SLC5A6: variants seen among roughly 807,000 people sequenced by gnomAD.
The protein encoded by SLC5A6 is sodium-dependent multivitamin transporter.
A neutral mutation model predicts 67.9 loss-of-function variants in SLC5A6; 31 were observed. The observed-to-expected ratio is 0.46, with a 90% CI of 0.34 to 0.62. The LOEUF is 0.62. Among genes scored for constraint, SLC5A6 ranks in the 20% least tolerant of loss-of-function variants. The probability of loss-of-function intolerance (pLI) is 0.01; values close to 1 mark genes in which losing one functional copy is unlikely to be tolerated. For missense variants in SLC5A6, 673 were observed against 812.8 expected, an observed-to-expected ratio of 0.83 and a Z score of 2.09; for synonymous variants, 343 against 331.0, an observed-to-expected ratio of 1.04 and a Z score of -0.39.
chr2:27,202,778 C>T, intron 12 of SLC5A6, 35 bp downstream of exon 12: 9 of 1,573,082 alleles, frequency 5.7e-6, no homozygotes, highest in Non-Finnish European at 7.9e-6. Context: ...TCCTTCTCTC[C>T]CTTAAAATTG....
intron 2 of SLC5A6, among the ~76,000 whole-genome samples, chr2:27,209,999 T>C (rs776221077): frequency 6.6e-6 from 1 of 152,094 alleles, no homozygotes; most frequent in Non-Finnish European, 1.5e-5. Flanking sequence ...ATAGAGATGA[T>C]GGGAACTACT....
At position 27,203,787 on chromosome 2, in the gene SLC5A6, G is replaced by A; in HGVS notation, c.1086C>T (p.Gly362=). ...ATCGTTAAAGTGGGTACCTGAGAGA[G>A]CCGCTGAAGAGGCAGGCAATGAAGA... ...PGLFIACLFS[G]SLSTISSAFN... is the part of the protein sequence containing the mutation. Residue 362 remains glycine (G), a synonymous_variant, in exon 10 of 17, where the codon GGC becomes GGT. Coordinates refer to ENST00000310574, the MANE Select transcript of SLC5A6 (RefSeq NM_021095.4). The A allele has an allele frequency of 6.2e-7, 1 of 1,613,430 alleles. No homozygotes were observed. The highest frequency in any genetic ancestry group is 8.5e-7 in the Non-Finnish European group (1 of 1,179,354).
Position 27,212,068 on chromosome 2 carries a change from G to C in SLC5A6, c.-256C>G, listed in dbSNP as rs1393022800. ...GTTTCTGCGAAGCCGCGACCTCGGC[G>C]TCCGGACGCGGGGAACACCGGGCTG... On this transcript the variant is annotated 5_prime_UTR_variant, in exon 1 of 17. Coordinates refer to ENST00000310574, the MANE Select transcript of SLC5A6 (RefSeq NM_021095.4). 1 of 1,220,578 alleles carries C rather than the reference G, an allele frequency of 8.2e-7. No individual in the cohort carries two copies. Among genetic ancestry groups the C allele is most frequent in the Non-Finnish European group, 1.1e-6 (1 of 902,662 alleles). The allele number at this position is 1,220,578 out of a possible 1,614,324, so 75.6% of individuals were successfully genotyped here.
In SLC5A6 at chr2:27,202,092, G is replaced by A; in HGVS notation, c.1276-18C>T. The A allele has an allele frequency of 2.5e-6, 4 of 1,589,052 alleles. No individual in the cohort carries two copies. The highest frequency in any genetic ancestry group is 2.2e-5 in the South Asian group (2 of 90,542). On this transcript the variant is annotated intron_variant, in intron 12 of 16. Coordinates refer to ENST00000310574, the MANE Select transcript of SLC5A6 (RefSeq NM_021095.4). ...ATTGCTGCCTAGGAGGACAGGGTGA[G>A]AAGAAAAGGAAAAAGAACACAGACT...
chr2:27,201,738 G>A lies in SLC5A6; in HGVS notation c.1472C>T (p.Ser491Phe), dbSNP rs1403589240. The A allele has an allele frequency of 1.9e-6, 3 of 1,614,152 alleles. No homozygotes were observed. The highest frequency in any genetic ancestry group is 1.7e-5 in the Admixed American group (1 of 60,020). The change falls in exon 14 of 17, where the codon TCC becomes TTC. Residue 491 changes from serine to phenylalanine, a missense_variant. Coordinates refer to ENST00000310574, the MANE Select transcript of SLC5A6 (RefSeq NM_021095.4). ...SSMPPSPSNG[S>F]SFSLPTNLTV... is the part of the protein sequence containing the mutation. Reference sequence around the variant, plus strand: ...TAGATTGGTGGGCAGGGAGAAGCTGGACCCATTAGAGGGAGAGGGTGGCAT... The same window carrying A: ...TAGATTGGTGGGCAGGGAGAAGCTGAACCCATTAGAGGGAGAGGGTGGCAT...
intron 13 of SLC5A6, 28 bp from the exon 14 acceptor site, chr2:27,201,875 C>G: frequency 1.9e-6 from 3 of 1,612,540 alleles, no homozygotes; most frequent in Non-Finnish European, 2.5e-6. Context: ...AGGCCTGTCA[C>G]AAGGCCAGTC....
At chr2:27,205,614 CT>C (rs1387279740) in intron 6 of SLC5A6, 110 bp from the exon 7 acceptor site, 5 of 1,348,962 alleles carry the variant, frequency 3.7e-6, no homozygotes, top group Non-Finnish European at 5.2e-6. Flanking sequence ...TTGTTTTAGG[CT>C]TTTTGCAGCC....
Position 27,207,189 on chromosome 2 carries a change from C to T in SLC5A6, c.393+69G>A. The T allele has an allele frequency of 4.5e-6, 7 of 1,542,594 alleles. No homozygotes were observed. The South Asian group carries it at 7.2e-5, about 16-fold the overall frequency. ...GGAGGTCTAGGGTCCCAGGTCCTTC[C>T]TATGTGCCTGTCCCTCCTCTCCACC... On this transcript the variant is annotated intron_variant, in intron 3 of 16. Transcript: ENST00000310574. The surrounding 1 kb of genome is among the most constrained non-coding windows in gnomAD (Gnocchi z 5.5).
chr2:27,200,202 G>A lies in SLC5A6; in HGVS notation c.*234C>T, dbSNP rs1184259399. ...TCTGGCATGATCCTGCTCCCTACGA[G>A]CCTGATCCTTTAAAAAACAGATTGG... On this transcript the variant is annotated 3_prime_UTR_variant, in exon 17 of 17. Transcript: ENST00000310574. 3 of 456,770 alleles carry A rather than the reference G, an allele frequency of 6.6e-6. No homozygotes were observed. The highest frequency in any genetic ancestry group is 7.7e-6 in the Non-Finnish European group (2 of 258,178). The allele number at this position is 456,770 out of a possible 1,614,324, so 28.3% of individuals were successfully genotyped here. A position where few individuals can be genotyped will look rare whatever the true frequency, so the allele number is the denominator to read the frequency against.
intron 12 of SLC5A6, 38 bp from the exon 13 acceptor site, chr2:27,202,112 C>T: frequency 6.8e-7 from 1 of 1,480,308 alleles, no homozygotes; most frequent in Non-Finnish European, 9.4e-7. Flanking sequence ...AAAAAGAACA[C>T]AGACTCAGAG....
At chr2:27,211,130 C>G (rs1383873769) in intron 2 of SLC5A6, among the ~76,000 whole-genome samples, 2 of 152,374 alleles carry the variant, frequency 1.3e-5, no homozygotes, top group African/African-American at 2.4e-5. Context: ...GCAGGACTAA[C>G]TGTTCCAAAA....
rs1461699692 is a variant in SLC5A6 at position 27,206,493 on chromosome 2, A to G, written c.501T>C (p.Ala167=). The G allele has an allele frequency of 1.9e-6, 3 of 1,614,128 alleles. No individual in the cohort carries two copies. In the African/African-American group the frequency reaches 4.0e-5, roughly 21 times the overall value. The change falls in exon 5 of 17, where the codon GCT becomes GCC. Residue 167 remains alanine, a synonymous_variant. Transcript: ENST00000310574. The part of the protein sequence containing the change: ...MGVVLYAPSL[A]LNAVTGFDLW... ...TGTGTGACTCCTCACCTGCATTGAG[A>G]GCCAATGACGGAGCATAGAGCACAA... is the stretch of plus-strand genomic sequence containing the variant.
intron 10 of SLC5A6, 147 bp downstream of exon 10, chr2:27,203,632 C>T: frequency 2.9e-6 from 2 of 680,892 alleles, no homozygotes; most frequent in Non-Finnish European, 5.2e-6. Flanking sequence ...CAAAGATGAG[C>T]TATCCCTTGT....
At chr2:27,205,834 A>C (rs1275525) in intron 6 of SLC5A6, among the ~76,000 whole-genome samples, 192 bp downstream of exon 6, 123,244 of 152,118 alleles carry the variant, frequency 0.81, 53,106 homozygotes, top group East Asian at 1. Context: ...CCCTGTTGAC[A>C]TCATTCCCAT....
intron 5 of SLC5A6, 160 bp from the exon 6 acceptor site, chr2:27,206,253 C>A: frequency 1.4e-6 from 1 of 727,976 alleles, no homozygotes; most frequent in Non-Finnish European, 2.4e-6. Flanking sequence ...AGAGCTCCAC[C>A]AAAAGATATT....
chr2:27,202,953 C>T, intron 11 of SLC5A6, 73 bp from the exon 12 acceptor site: 1 of 1,582,850 alleles, frequency 6.3e-7, no homozygotes, highest in South Asian at 1.2e-5. Flanking sequence ...GCAAGGCTCC[C>T]TGCCCAGCCA....
intron 1 of SLC5A6, 82 bp downstream of exon 1, chr2:27,211,938 G>A (rs915453716): frequency 2.3e-6 from 1 of 438,764 alleles, no homozygotes; most frequent in Non-Finnish European, 4.0e-6. Flanking sequence ...GAGCCCGGCC[G>A]AGAGCCCTGG....
Position 27,207,435 on chromosome 2 carries a change from T to C in SLC5A6, c.216A>G (p.Ala72=), listed in dbSNP as rs2148015185. ...ACTGGAAGGTGGCCAGCAGGGACAG[T>C]GCCACCGGAAGGCAGCCCATTTTGC... ...ADRKMGCLPV[A]LSLLATFQSA... Residue 72 remains alanine (A), a synonymous_variant, in exon 3 of 17, where the codon GCA becomes GCG. Coordinates refer to ENST00000310574, the MANE Select transcript of SLC5A6 (RefSeq NM_021095.4). This position sits in a 1 kb window ranked among gnomAD's most constrained non-coding sequence, Gnocchi z 5.5. 8 of 1,614,158 alleles carry C rather than the reference T, an allele frequency of 5.0e-6. No homozygotes were observed. Among genetic ancestry groups the C allele is most frequent in the Non-Finnish European group, 6.8e-6 (8 of 1,180,024 alleles).
chr2:27,202,132 C>T (rs960178696), intron 12 of SLC5A6, 58 bp from the exon 13 acceptor site: 10 of 1,246,292 alleles, frequency 8.0e-6, no homozygotes, highest in Non-Finnish European at 1.1e-5. Flanking sequence ...GATGCCCAGA[C>T]TCACCATAAA....
Sources: gnomAD v4.1 joint callset for allele counts (sites outside exome capture counted in the v4.1 genomes callset) on GRCh38, gnomAD v4.1.1 for gene constraint, Gnocchi (gnomAD v3.1) non-coding constraint, MANE v1.5 for transcripts, NCBI Gene and HGNC (gene_info 2026-07-23, HGNC 2026-07-21) for gene names.